The following DPP4 variants were observed in gnomAD, a reference collection of about 807,000 sequenced individuals.
DPP4 encodes ADCP-2.
In DPP4, 93 loss-of-function variants were observed where a neutral mutation model predicts 122.4. That is an observed-to-expected ratio of 0.76 (90% confidence interval 0.64 to 0.90). The LOEUF is 0.90. Ranked by LOEUF, DPP4 falls within the 40% of genes least tolerant of loss-of-function variation. The pLI, the probability that DPP4 is intolerant of heterozygous loss-of-function variation, is 0.00. For missense variants in DPP4, 914 were observed against 907.3 expected (o/e 1.01, Z -0.09); for synonymous variants, 321 against 302.9 (o/e 1.06, Z -0.62).
chr2:162,039,462 G>C (rs1024877659), intron 5 of DPP4, among the ~76,000 whole-genome samples: 4 of 151,998 alleles, frequency 2.6e-5, no homozygotes, highest in Non-Finnish European at 5.9e-5. Flanking sequence ...ATTATCCCTA[G>C]CACTCACCAT....
intron 10 of DPP4, among the ~76,000 whole-genome samples, chr2:162,027,085 T>C (rs950369849): frequency 6.6e-6 from 1 of 152,152 alleles, no homozygotes; most frequent in African/African-American, 2.4e-5. Context: ...ATTACTCTTT[T>C]GATTTTTGTT....
At chr2:162,023,917 G>C (rs1683225066) in intron 11 of DPP4, among the ~76,000 whole-genome samples, 1 of 152,154 alleles carries the variant, frequency 6.6e-6, no homozygotes, top group African/African-American at 2.4e-5. Flanking sequence ...TTGGGGGCAG[G>C]CATGCTGACT....
chr2:162,017,165 C>T lies in DPP4; in HGVS notation c.1421-10G>A, dbSNP rs1263080816. On this transcript the variant is annotated splice_polypyrimidine_tract_variant and intron_variant, in intron 16 of 25. Transcript: ENST00000360534. Reference sequence around the variant, plus strand: ...AGGGGCAGACCAGGACCTGTTAACACAATGGGGGAAAAATGTTTTGGATGA... The same window carrying T: ...AGGGGCAGACCAGGACCTGTTAACATAATGGGGGAAAAATGTTTTGGATGA... The T allele has an allele frequency of 6.2e-7, 1 of 1,609,916 alleles. No homozygotes were observed. Among genetic ancestry groups the T allele is most frequent in the South Asian group, 1.1e-5 (1 of 90,360 alleles).
chr2:162,023,200 C>A (rs1683202637), intron 11 of DPP4, among the ~76,000 whole-genome samples: 1 of 152,116 alleles, frequency 6.6e-6, no homozygotes, highest in South Asian at 2.1e-4. Flanking sequence ...GCCCCTGTCA[C>A]CTAGTTCTTT....
chr2:162,023,376 C>A (rs996616199), intron 11 of DPP4, among the ~76,000 whole-genome samples: 4 of 152,162 alleles, frequency 2.6e-5, no homozygotes, highest in Admixed American at 2.0e-4. Context: ...TTCTTTAAAA[C>A]CTTGAAACAA....
At chr2:162,057,312 C>T (rs1386216326) in intron 2 of DPP4, among the ~76,000 whole-genome samples, 4 of 152,226 alleles carry the variant, frequency 2.6e-5, no homozygotes, top group African/African-American at 7.2e-5. Context: ...AGCACACTTC[C>T]GTAAGCCTGA....
At chr2:161,994,717 G>A (rs1450255357) in intron 25 of DPP4, among the ~76,000 whole-genome samples, 3 of 152,294 alleles carry the variant, frequency 2.0e-5, no homozygotes, top group East Asian at 1.9e-4. Flanking sequence ...ATGAACAGGA[G>A]AGCAGTGTCT....
At chr2:162,012,619 A>G (rs150149426) in intron 19 of DPP4, among the ~76,000 whole-genome samples, 53 of 152,238 alleles carry the variant, frequency 3.5e-4, no homozygotes, top group African/African-American at 1.2e-3. Context: ...ACTCCCTTGT[A>G]TCTGCAATCT....
At chr2:162,057,871 C>T (rs1684629559) in intron 2 of DPP4, among the ~76,000 whole-genome samples, 2 of 152,168 alleles carry the variant, frequency 1.3e-5, no homozygotes, top group Non-Finnish European at 2.9e-5. Flanking sequence ...CTTCCAGGTT[C>T]AAGCGATTTT....
chr2:162,014,745 T>G (rs1417320170), intron 18 of DPP4, among the ~76,000 whole-genome samples: 1 of 152,208 alleles, frequency 6.6e-6, no homozygotes, highest in East Asian at 1.9e-4. Flanking sequence ...GAATTTCTAA[T>G]GTTTTGTTTT....
chr2:162,035,275 A>T lies in DPP4; in HGVS notation c.663T>A (p.Thr221=), dbSNP rs200855838. ...YSALWWSPNG[T]FLAYAQFNDT... Reference sequence around the variant, plus strand: ...CGTTAAATTGGGCATATGCTAAAAAAGTGCCGTTTGGAGACCACCACAGAG... The same window carrying T: ...CGTTAAATTGGGCATATGCTAAAAATGTGCCGTTTGGAGACCACCACAGAG... The change falls in exon 9 of 26, where the codon ACT becomes ACA. Residue 221 remains threonine, a synonymous_variant. Coordinates refer to ENST00000360534, the MANE Select transcript of DPP4 (RefSeq NM_001935.4). The T allele has an allele frequency of 6.2e-6, 10 of 1,614,076 alleles. No homozygotes were observed. Among genetic ancestry groups the T allele is most frequent in the Non-Finnish European group, 8.5e-6 (10 of 1,179,956 alleles).
chr2:162,028,814 T>C (rs535001325), intron 10 of DPP4, among the ~76,000 whole-genome samples: 1 of 152,246 alleles, frequency 6.6e-6, no homozygotes, highest in Non-Finnish European at 1.5e-5. Context: ...CTGCAGATCA[T>C]GCTCTGCAGA....
chr2:162,006,668 G>T (rs1398790551), intron 22 of DPP4, among the ~76,000 whole-genome samples: 1 of 152,026 alleles, frequency 6.6e-6, no homozygotes, highest in East Asian at 1.9e-4. Flanking sequence ...AACATATTTT[G>T]CCTGATTTTA....
chr2:162,021,402 G>C (rs1683122211), intron 12 of DPP4: 1 of 152,180 alleles, frequency 6.6e-6, no homozygotes, highest in South Asian at 2.1e-4. Flanking sequence ...AAGTAGAAGA[G>C]AGTCTATCCC....
intron 2 of DPP4, among the ~76,000 whole-genome samples, chr2:162,049,940 T>C (rs1321557648): frequency 1.3e-5 from 2 of 152,232 alleles, no homozygotes; most frequent in Admixed American, 1.3e-4. Flanking sequence ...TTAAAAAAAC[T>C]AAAGTATTTT....
chr2:162,012,965 A>C (rs1332186742), intron 19 of DPP4, among the ~76,000 whole-genome samples: 1 of 152,054 alleles, frequency 6.6e-6, no homozygotes, highest in Non-Finnish European at 1.5e-5. Context: ...TAACATTCTA[A>C]CTTTAAACAG....
intron 25 of DPP4, among the ~76,000 whole-genome samples, chr2:161,994,267 C>T (rs529776967): frequency 2.0e-5 from 3 of 152,316 alleles, no homozygotes; most frequent in Non-Finnish European, 4.4e-5. Context: ...GCATTGGGCA[C>T]CATTTGAACT....
At chr2:162,019,024 A>G (rs1007082239) in intron 15 of DPP4, among the ~76,000 whole-genome samples, 174 bp from the exon 16 acceptor site, 2 of 151,942 alleles carry the variant, frequency 1.3e-5, no homozygotes, top group African/African-American at 4.8e-5. Context: ...CAAACCTTCC[A>G]TTGTTTGGAA....
In DPP4 at chr2:162,014,475, C is replaced by A. The variant is rs199766878; in HGVS notation, c.1568-10G>T. Reference sequence around the variant, plus strand: ...ATCTGATACCAAAATTCTAAACAAACAGAAAGATTAATTAGTGAGGTAAGA... The same window carrying A: ...ATCTGATACCAAAATTCTAAACAAAAAGAAAGATTAATTAGTGAGGTAAGA... On this transcript the variant is annotated splice_polypyrimidine_tract_variant and intron_variant, in intron 18 of 25. Coordinates refer to ENST00000360534, the MANE Select transcript of DPP4 (RefSeq NM_001935.4). 309 of 1,596,394 alleles carry A rather than the reference C, an allele frequency of 1.9e-4. 2 individuals carry two copies. In the East Asian group the frequency reaches 5.2e-3, roughly 27 times the overall value.
Sources: allele counts gnomAD v4.1 joint callset (sites outside exome capture counted in the v4.1 genomes callset), GRCh38; gene constraint gnomAD v4.1.1; transcripts MANE v1.5; gene names NCBI Gene and HGNC (gene_info 2026-07-23, HGNC 2026-07-21).